TARS1: variants seen among roughly 807,000 people sequenced by gnomAD.
The protein encoded by TARS1 is threonine--tRNA ligase 1, cytoplasmic.
A neutral mutation model predicts 97.7 loss-of-function variants in TARS1; 57 were observed. The observed-to-expected ratio is 0.58, with a 90% CI of 0.47 to 0.73. The LOEUF is 0.73. Among genes scored for constraint, TARS1 ranks in the 30% least tolerant of loss-of-function variants. The probability of loss-of-function intolerance (pLI) is 0.00; values close to 1 mark genes in which losing one functional copy is unlikely to be tolerated. For synonymous variants in TARS1, 312 were observed against 293.7 expected (o/e 1.06, Z -0.64); for missense variants, 806 against 888.3 (o/e 0.91, Z 1.18).
chr5:33,448,879 A>G, intron 3 of TARS1, 148 bp downstream of exon 3: 1 of 598,564 alleles, frequency 1.7e-6, no homozygotes, highest in Non-Finnish European at 2.6e-6. Context: ...GAGATTTTTT[A>G]AAAATCAAAA....
chr5:33,453,266 T>C lies in TARS1; in HGVS notation c.330-23T>C, dbSNP rs751456672. The C allele has an allele frequency of 1.6e-3, 981 of 631,222 alleles. 15 individuals carry two copies. Among genetic ancestry groups the C allele is most frequent in the East Asian group, 8.2e-3 (157 of 19,070 alleles). 39.1% of individuals were successfully genotyped at this position (631,222 alleles called of 1,614,324 possible). A position where few individuals can be genotyped will look rare whatever the true frequency, so the allele number is the denominator to read the frequency against. ...TGTGTACTTATATATGTGTGGACTT[T>C]TTTTTTTTTTTTTTTTTTTAAGTCA... On this transcript the variant is annotated intron_variant, in intron 3 of 18. Coordinates refer to ENST00000265112, the MANE Select transcript of TARS1 (RefSeq NM_152295.5).
At chr5:33,466,817 C>G in intron 17 of TARS1, 54 bp from the exon 18 acceptor site, 2 of 1,308,558 alleles carry the variant, frequency 1.5e-6, no homozygotes, top group Non-Finnish European at 2.1e-6. Context: ...CATGTGAGAT[C>G]AAAATATAAT....
intron 2 of TARS1, chr5:33,446,526 T>G (rs929480492): frequency 4.3e-6 from 2 of 462,100 alleles, no homozygotes; most frequent in Non-Finnish European, 8.6e-6. Flanking sequence ...AAGTGGGACA[T>G]GTGATTATTT....
rs368107649 is a variant in TARS1, at chr5:33,445,497, G to T, written c.138+93G>T. ...TTTCCTAATGTGTAAGGGTTCTAAT[G>T]GTTTACATGGTAGTGTAAGATGGTA... On this transcript the variant is annotated intron_variant, in intron 2 of 18. Transcript: ENST00000265112. The T allele has an allele frequency of 2.4e-5, 25 of 1,034,258 alleles. No individual in the cohort carries two copies. The African/African-American group carries it at 3.5e-4, about 15-fold the overall frequency. 64.1% of individuals were successfully genotyped at this position (1,034,258 alleles called of 1,614,324 possible).
intron 1 of TARS1, among the ~76,000 whole-genome samples, chr5:33,443,417 T>C (rs368593848): frequency 7.4e-5 from 11 of 149,224 alleles, no homozygotes; most frequent in East Asian, 6.0e-4. Context: ...ATCAGAAATA[T>C]AAAACTTATT....
At chr5:33,452,941 AC>A (rs1741816070) in intron 3 of TARS1, among the ~76,000 whole-genome samples, 1 of 151,958 alleles carries the variant, frequency 6.6e-6, no homozygotes, top group Admixed American at 6.6e-5. Context: ...ACATAGCAAG[AC>A]CCTGTCGCTA....
intron 16 of TARS1, among the ~76,000 whole-genome samples, chr5:33,462,439 T>C (rs1561078668): frequency 2.0e-5 from 3 of 152,254 alleles, no homozygotes. Context: ...GTTTGGATGT[T>C]GTGTAATACT....
In TARS1 at chr5:33,462,019, T is replaced by C; in HGVS notation, c.1730+13T>C. On this transcript the variant is annotated intron_variant, in intron 15 of 18. Coordinates refer to ENST00000265112, the MANE Select transcript of TARS1 (RefSeq NM_152295.5). The stretch of plus-strand genomic sequence containing the variant: ...TTACTTATGTAAGGTGAGTTTCTGG[T>C]GTCTGCTCTGAATATTCTCCAGGGA... 3 of 1,612,296 alleles carry C rather than the reference T, an allele frequency of 1.9e-6. No individual in the cohort carries two copies. The highest frequency in any genetic ancestry group is 1.7e-6 in the Non-Finnish European group (2 of 1,178,520).
At chr5:33,465,461 C>T (rs865847291) in intron 17 of TARS1, among the ~76,000 whole-genome samples, 15 of 152,162 alleles carry the variant, frequency 9.9e-5, no homozygotes, top group African/African-American at 3.6e-4. Flanking sequence ...GGCCACTTCC[C>T]CAACTGCAGA....
At chr5:33,458,043 T>C (rs1444916327) in intron 9 of TARS1, among the ~76,000 whole-genome samples, 1 of 152,166 alleles carries the variant, frequency 6.6e-6, no homozygotes, top group African/African-American at 2.4e-5. Context: ...CCCTGAGGGC[T>C]TTTGGGCACT....
At position 33,455,083 on chromosome 5, in the gene TARS1, A is replaced by C; in HGVS notation, c.575+17A>C. ...CGAAGAAGGGTAAGCCATCAACTAG[A>C]TAAAGAAAACTGAAGTCAATGACTA... On this transcript the variant is annotated intron_variant, in intron 5 of 18. Transcript: ENST00000265112. 1.2e-6 allele frequency: 2 copies of C among 1,612,702 alleles called. No individual in the cohort carries two copies. The highest frequency in any genetic ancestry group is 1.7e-6 in the Non-Finnish European group (2 of 1,179,346).
chr5:33,442,826 C>A (rs1373330656), intron 1 of TARS1, among the ~76,000 whole-genome samples: 2 of 152,194 alleles, frequency 1.3e-5, no homozygotes, highest in Admixed American at 6.6e-5. Flanking sequence ...CTTAATAACG[C>A]TGTGAAGTGG....
chr5:33,455,494 G>C, intron 5 of TARS1, 93 bp from the exon 6 acceptor site: 1 of 758,332 alleles, frequency 1.3e-6, no homozygotes. Context: ...TAAAACCCTT[G>C]AAGTATTCCA....
chr5:33,456,663 AT>A (rs913078171), intron 8 of TARS1, among the ~76,000 whole-genome samples: 2 of 149,156 alleles, frequency 1.3e-5, no homozygotes, highest in Non-Finnish European at 1.5e-5. Context: ...TCATTTCAAG[AT>A]TTTTTTTTTA....
At chr5:33,458,191 A>G (rs528698392) in intron 9 of TARS1, among the ~76,000 whole-genome samples, 1 of 152,308 alleles carries the variant, frequency 6.6e-6, no homozygotes, top group Admixed American at 6.5e-5. Context: ...TACTAAGAAA[A>G]TAAATACATA....
In TARS1 at chr5:33,456,048, C is replaced by T; in HGVS notation, c.740C>T (p.Pro247Leu). ...ATATTGAATGAAAAGGTGAATACTC[C>T]AACTACCACAGTCTATAGGTAAGAA... is the stretch of plus-strand genomic sequence containing the variant. Reference protein sequence around the residue: ...CRILNEKVNTPTTTVYRCGPL... With the variant: ...CRILNEKVNTLTTTVYRCGPL... Residue 247 changes from proline to leucine, a missense_variant, in exon 7 of 19, where the codon CCA becomes CTA. Pro to Leu is a moderately conservative substitution (Grantham distance 98). Coordinates refer to ENST00000265112, the MANE Select transcript of TARS1 (RefSeq NM_152295.5). 6.2e-7 allele frequency: 1 copy of T among 1,613,654 alleles called. No homozygotes were observed. The highest frequency in any genetic ancestry group is 8.5e-7 in the Non-Finnish European group (1 of 1,179,756).
intron 3 of TARS1, among the ~76,000 whole-genome samples, chr5:33,449,445 C>CTTTCTT (rs1741611130): frequency 1.4e-5 from 1 of 69,160 alleles, no homozygotes; most frequent in African/African-American, 5.8e-5. Flanking sequence ...TTTTTTCTTT[C>CTTTCTT]TTTTTTTTTT....
At chr5:33,452,641 C>T (rs1369690991) in intron 3 of TARS1, among the ~76,000 whole-genome samples, 1 of 151,958 alleles carries the variant, frequency 6.6e-6, no homozygotes, top group Non-Finnish European at 1.5e-5. Context: ...TTTCATTTTA[C>T]CTCTATATTT....
At chr5:33,440,748 A>C (rs1741034783), upstream of TARS1, 3 of 458,866 alleles carry the variant, frequency 6.5e-6, no homozygotes, top group South Asian at 1.5e-4. Flanking sequence ...CGCATTGGGG[A>C]CTTGACTCTG....
Sources: allele counts gnomAD v4.1 joint callset (sites outside exome capture counted in the v4.1 genomes callset), GRCh38; gene constraint gnomAD v4.1.1; transcripts MANE v1.5; gene names NCBI Gene and HGNC (gene_info 2026-07-23, HGNC 2026-07-21).